Variants in GPR37 observed in about 807,000 individuals in gnomAD.
The protein encoded by GPR37 is G protein-coupled receptor 37, also known as prosaposin receptor GPR37.
Under a neutral mutation model 43.6 loss-of-function variants are expected in GPR37, and 20 were observed. The observed-to-expected ratio is 0.46, with a 90% CI of 0.32 to 0.67. The LOEUF (loss-of-function observed/expected upper bound fraction) is 0.67, where lower values mean the gene tolerates loss of function less well. Among genes scored for constraint, GPR37 ranks in the 30% least tolerant of loss-of-function variants. The pLI, the probability that GPR37 is intolerant of heterozygous loss-of-function variation, is 0.03. For synonymous variants in GPR37, 315 were observed against 322.6 expected (o/e 0.98, Z 0.25); for missense variants, 724 against 797.2 (o/e 0.91, Z 1.11).
chr7:124,759,411 G>A (rs1481525241), intron 1 of GPR37, among the ~76,000 whole-genome samples: 3 of 152,098 alleles, frequency 2.0e-5, no homozygotes, highest in African/African-American at 7.2e-5. Context: ...TAAGTGAATG[G>A]TAGGTATGGT....
At chr7:124,754,126 AG>A in intron 1 of GPR37, among the ~76,000 whole-genome samples, 1 of 152,190 alleles carries the variant, frequency 6.6e-6, no homozygotes, top group Non-Finnish European at 1.5e-5. Flanking sequence ...AAAGGTAAAA[AG>A]CATGCTTTAT....
At position 124,746,756 on chromosome 7, in the gene GPR37, A is replaced by G. The variant is rs757458367; in HGVS notation, c.1611T>C (p.Leu537=). 9.3e-6 allele frequency: 15 copies of G among 1,613,954 alleles called. No individual in the cohort carries two copies. The highest frequency in any genetic ancestry group is 1.7e-5 in the Admixed American group (1 of 60,004). ...GGGTGACACAGGACTTAAAGAACAA[A>G]AGGAACTGGCTGATGATATTAAGGA... ...MDLLNIISQF[L]LFFKSCVTPV... is the part of the protein sequence containing the mutation. Residue 537 remains leucine, a synonymous_variant, in exon 2 of 2, where the codon CTT becomes CTC. Coordinates refer to ENST00000303921, the MANE Select transcript of GPR37 (RefSeq NM_005302.5).
intron 1 of GPR37, among the ~76,000 whole-genome samples, chr7:124,751,362 A>C (rs1208024541): frequency 6.6e-6 from 1 of 152,094 alleles, no homozygotes; most frequent in East Asian, 1.9e-4. Context: ...TACGCACTAC[A>C]TTTTATGGTG....
At chr7:124,755,734 C>A (rs1793784085) in intron 1 of GPR37, among the ~76,000 whole-genome samples, 1 of 152,092 alleles carries the variant, frequency 6.6e-6, no homozygotes, top group Non-Finnish European at 1.5e-5. Flanking sequence ...TCAGTAATTA[C>A]AAAATCATTT....
chr7:124,761,115 C>A (rs1420986367), intron 1 of GPR37, among the ~76,000 whole-genome samples: 1 of 147,958 alleles, frequency 6.8e-6, no homozygotes, highest in African/African-American at 2.5e-5. Context: ...GAGATCGTGC[C>A]ACTGCACTCC....
At chr7:124,751,249 CT>C (rs1793726935) in intron 1 of GPR37, among the ~76,000 whole-genome samples, 4 of 152,108 alleles carry the variant, frequency 2.6e-5, no homozygotes, top group African/African-American at 9.6e-5. Context: ...GATGCAGTTG[CT>C]CTTGGCAACT....
At chr7:124,757,453 C>G (rs1414872310) in intron 1 of GPR37, among the ~76,000 whole-genome samples, 1 of 151,998 alleles carries the variant, frequency 6.6e-6, no homozygotes, top group African/African-American at 2.4e-5. Context: ...GACTTTCTAT[C>G]CTGGGAAAGC....
chr7:124,759,725 A>T (rs1205891582), intron 1 of GPR37, among the ~76,000 whole-genome samples: 1 of 152,188 alleles, frequency 6.6e-6, no homozygotes, highest in Admixed American at 6.5e-5. Context: ...CATCAACTAC[A>T]ACAGTTCCCA....
intron 1 of GPR37, among the ~76,000 whole-genome samples, chr7:124,759,624 C>A (rs980807721): frequency 6.6e-6 from 1 of 152,168 alleles, no homozygotes; most frequent in Non-Finnish European, 1.5e-5. Flanking sequence ...TCCTATCTGG[C>A]ATTTCCTACC....
chr7:124,752,989 T>G (rs1313358062), intron 1 of GPR37, among the ~76,000 whole-genome samples: 1 of 151,954 alleles, frequency 6.6e-6, no homozygotes, highest in Non-Finnish European at 1.5e-5. Flanking sequence ...TTTGCTCCTG[T>G]GTAGGAAAAA....
chr7:124,748,133 T>C (rs894569231), intron 1 of GPR37, among the ~76,000 whole-genome samples: 4 of 152,170 alleles, frequency 2.6e-5, no homozygotes, highest in Middle Eastern at 3.4e-3. Flanking sequence ...GGGTGGGGAT[T>C]GGGTCAAAGA....
intron 1 of GPR37, among the ~76,000 whole-genome samples, chr7:124,747,748 A>C (rs1227670386): frequency 1.3e-5 from 2 of 152,112 alleles, no homozygotes; most frequent in Non-Finnish European, 2.9e-5. Flanking sequence ...TTCATTGCTG[A>C]CCAGGATGCT....
chr7:124,760,769 T>C (rs559273707), intron 1 of GPR37, among the ~76,000 whole-genome samples: 82 of 152,300 alleles, frequency 5.4e-4, no homozygotes, highest in Non-Finnish European at 1.1e-3. Flanking sequence ...ACCAGGTATA[T>C]ATGTTTAGGA....
chr7:124,764,299 A>C lies in GPR37; in HGVS notation c.678T>G (p.Gly226=), dbSNP rs1584728094. The change falls in exon 1 of 2, where the codon GGT becomes GGG. Residue 226 remains glycine (G), a synonymous_variant. Coordinates refer to ENST00000303921, the MANE Select transcript of GPR37 (RefSeq NM_005302.5). The surrounding 1 kb of genome is among the most constrained non-coding windows in gnomAD (Gnocchi z 5.4). ...GRALAQNGSL[G]EGIHEPGGPR... Reference sequence around the variant, plus strand: ...GACCCCCAGGCTCATGGATTCCTTCACCCAAGGATCCATTCTGGGCCAGCG... The same window carrying C: ...GACCCCCAGGCTCATGGATTCCTTCCCCCAAGGATCCATTCTGGGCCAGCG... The C allele has an allele frequency of 1.2e-6, 2 of 1,602,606 alleles. No individual in the cohort carries two copies. The highest frequency in any genetic ancestry group is 1.7e-6 in the Non-Finnish European group (2 of 1,174,402).
At chr7:124,749,787 A>G (rs1793712175) in intron 1 of GPR37, among the ~76,000 whole-genome samples, 1 of 152,158 alleles carries the variant, frequency 6.6e-6, no homozygotes, top group South Asian at 2.1e-4. Context: ...ATGGCTAGCA[A>G]AGCTCTAGTC....
chr7:124,762,533 T>C (rs1221331448), intron 1 of GPR37, among the ~76,000 whole-genome samples: 1 of 151,574 alleles, frequency 6.6e-6, no homozygotes, highest in East Asian at 1.9e-4. Flanking sequence ...GAAGAGGCAG[T>C]TTGGTAAATA....
intron 1 of GPR37, among the ~76,000 whole-genome samples, chr7:124,763,709 C>T (rs1002674634): frequency 6.6e-6 from 1 of 152,014 alleles, no homozygotes; most frequent in Non-Finnish European, 1.5e-5. Flanking sequence ...CCAAACAATT[C>T]TGTATATTGT....
In GPR37 at chr7:124,764,147, A is replaced by G. The variant is rs780618032; in HGVS notation, c.830T>C (p.Ile277Thr). 8 of 1,606,976 alleles carry G rather than the reference A, an allele frequency of 5.0e-6. No individual in the cohort carries two copies. The highest frequency in any genetic ancestry group is 2.2e-5 in the East Asian group (1 of 44,820). The part of the protein sequence containing the change: ...LSVVIFGTGI[I>T]GNLAVMCIVC... ...GATGCACATCACCGCCAGGTTGCCA[A>G]TGATGCCGGTCCCGAAGATCACCAC... Residue 277 changes from isoleucine (I) to threonine (T), a missense_variant, in exon 1 of 2, where the codon ATT (isoleucine) becomes ACT (threonine). By Grantham distance (89) the Ile-to-Thr change is moderately conservative. Transcript: ENST00000303921. The surrounding 1 kb of genome is among the most constrained non-coding windows in gnomAD (Gnocchi z 5.4).
intron 1 of GPR37, among the ~76,000 whole-genome samples, chr7:124,747,790 C>T (rs552399929): frequency 7.2e-5 from 11 of 152,156 alleles, no homozygotes; most frequent in East Asian, 1.9e-4. Flanking sequence ...CAGTAGTGTG[C>T]CTTACACACA....
Sources: allele counts gnomAD v4.1 joint callset (sites outside exome capture counted in the v4.1 genomes callset), GRCh38; gene constraint gnomAD v4.1.1; non-coding constraint Gnocchi (gnomAD v3.1); transcripts MANE v1.5; gene names NCBI Gene and HGNC (gene_info 2026-07-23, HGNC 2026-07-21).